Variants in CEACAM6 observed in about 807,000 individuals in gnomAD.
CEACAM6 encodes cell adhesion molecule CEACAM6.
CEACAM6 carries 21 observed loss-of-function variants against 32.4 expected under a neutral mutation model. That is an observed-to-expected ratio of 0.65 (90% CI 0.46 to 0.93). The LOEUF (loss-of-function observed/expected upper bound fraction) is 0.93, where lower values mean the gene tolerates loss of function less well. Among genes scored for constraint, CEACAM6 ranks in the 40% least tolerant of loss-of-function variants. The probability of loss-of-function intolerance (pLI) is 0.00; values close to 1 mark genes in which losing one functional copy is unlikely to be tolerated. For synonymous variants in CEACAM6, 184 were observed against 174.4 expected (o/e 1.06, Z -0.43); for missense variants, 406 against 432.2 (o/e 0.94, Z 0.54).
rs1555821168 is a variant in CEACAM6 at position 41,756,791 on chromosome 19, A to G, written c.256A>G (p.Thr86Ala). Residue 86 changes from threonine to alanine, a missense_variant, in exon 2 of 6, where the codon ACT (threonine) becomes GCT (alanine). Physicochemically the swap from Thr to Ala is moderately conservative, Grantham distance 58 (BLOSUM62 0). Transcript: ENST00000199764. ...TCTAATTGTAGGATATGTAATAGGA[A>G]CTCAACAAGCTACCCCAGGGCCCGC... ...NSLIVGYVIG[T>A]QQATPGPAYS... The G allele has an allele frequency of 3.7e-6, 6 of 1,614,100 alleles. No homozygotes were observed. Among genetic ancestry groups the G allele is most frequent in the Non-Finnish European group, 5.1e-6 (6 of 1,180,004 alleles).
intron 1 of CEACAM6, among the ~76,000 whole-genome samples, chr19:41,756,047 T>C (rs927692739): frequency 6.6e-5 from 10 of 151,932 alleles, no homozygotes; most frequent in African/African-American, 2.4e-4. Flanking sequence ...CAATCAGAAG[T>C]TGAAAAATAA....
Position 41,766,192 on chromosome 19 carries a change from C to G in CEACAM6, c.968C>G (p.Pro323Arg). ...VTMITVSGSA[P>R]VLSAVATVGI... ...CTCTTCTTCCCACAAGGAAGTGCTC[C>G]TGTCCTCTCAGCTGTGGCCACCGTC... Residue 323 changes from proline to arginine, a missense_variant, in exon 5 of 6, where the codon CCT (proline) becomes CGT (arginine). Coordinates refer to ENST00000199764, the MANE Select transcript of CEACAM6 (RefSeq NM_002483.7). The G allele has an allele frequency of 6.2e-7, 1 of 1,607,022 alleles. No individual in the cohort carries two copies.
In CEACAM6 at chr19:41,757,034, T is replaced by C. The variant is rs113477324; in HGVS notation, c.424+75T>C. ...CACATACGGGATTGTCAGGCCTGGG[T>C]TGTGCCTGTGGCCCTCTCTGCATTA... On this transcript the variant is annotated intron_variant, in intron 2 of 5. Transcript: ENST00000199764. The C allele has an allele frequency of 3.2e-3, 5,012 of 1,542,530 alleles. 131 individuals carry two copies. The African/African-American group carries it at 0.056, about 17-fold the overall frequency.
In CEACAM6 at chr19:41,755,619, C is replaced by T; in HGVS notation, c.-20C>T. ...TCAAGCTCCTCTACAAAGAGGTGGACAGAGAAGACAGCAGAGACCATGGGA... is the reference window on the plus strand; with the variant it reads ...TCAAGCTCCTCTACAAAGAGGTGGATAGAGAAGACAGCAGAGACCATGGGA... On this transcript the variant is annotated 5_prime_UTR_variant, in exon 1 of 6. Transcript: ENST00000199764. 6.2e-7 allele frequency: 1 copy of T among 1,611,818 alleles called. No homozygotes were observed. The highest frequency in any genetic ancestry group is 8.5e-7 in the Non-Finnish European group (1 of 1,178,552).
chr19:41,756,510 G>C, intron 1 of CEACAM6, 90 bp from the exon 2 acceptor site: 2 of 1,530,316 alleles, frequency 1.3e-6, no homozygotes, highest in Non-Finnish European at 8.8e-7. Flanking sequence ...ACGTGGAGGG[G>C]TGAAGAGACC....
chr19:41,766,308 G>T lies in CEACAM6; in HGVS notation c.*40+9G>T, dbSNP rs373495455. 4 of 1,402,258 alleles carry T rather than the reference G, an allele frequency of 2.9e-6. No individual in the cohort carries two copies. Among genetic ancestry groups the T allele is most frequent in the Non-Finnish European group, 3.9e-6 (4 of 1,023,794 alleles). 86.9% of individuals were successfully genotyped at this position (1,402,258 alleles called of 1,614,324 possible). ...TTCAGGAAGACTGGCAGGTATGATC[G>T]CCTTTCCTCTTGCCATGTTTCCTGC... On this transcript the variant is annotated intron_variant, in intron 5 of 5. Transcript: ENST00000199764.
intron 5 of CEACAM6, among the ~76,000 whole-genome samples, chr19:41,770,255 CAAAAAAAAAAA>C (rs1158293587): frequency 3.0e-4 from 12 of 40,536 alleles, no homozygotes; most frequent in Non-Finnish European, 7.4e-4. Flanking sequence ...GCTAAAAATA[CAAAAAAAAAAA>C]AAAAAAAAAA....
intron 3 of CEACAM6, 107 bp downstream of exon 3, chr19:41,761,634 C>T: frequency 6.5e-7 from 1 of 1,548,456 alleles, no homozygotes; most frequent in Non-Finnish European, 8.8e-7. Flanking sequence ...GACCCTCACC[C>T]AGGCTGGCCA....
At chr19:41,755,830 C>A in intron 1 of CEACAM6, 128 bp downstream of exon 1, 1 of 636,574 alleles carries the variant, frequency 1.6e-6, no homozygotes, top group Non-Finnish European at 2.6e-6. Flanking sequence ...AACAGAACAC[C>A]AGAGAGGGAC....
At chr19:41,756,465 C>CACACAT in intron 1 of CEACAM6, 135 bp from the exon 2 acceptor site, 1 of 1,281,922 alleles carries the variant, frequency 7.8e-7, no homozygotes, top group Non-Finnish European at 1.0e-6. Context: ...CACACACACA[C>CACACAT]ACACACACAC....
intron 2 of CEACAM6, 118 bp from the exon 3 acceptor site, chr19:41,761,131 G>GGGGC (rs2072920230): frequency 6.4e-7 from 1 of 1,555,954 alleles, no homozygotes; most frequent in Admixed American, 1.8e-5. Context: ...ACACCTGCCA[G>GGGGC]GGGCTTTTAA....
rs114519484 is a variant in CEACAM6, at chr19:41,770,803, T to C, written c.*42T>C. On this transcript the variant is annotated splice_region_variant and 3_prime_UTR_variant, in exon 6 of 6. Coordinates refer to ENST00000199764, the MANE Select transcript of CEACAM6 (RefSeq NM_002483.7). ...TTTATTTTCATTATCCACCTATAGA[T>C]TGGACCAGACCCTGAATTCTTCTAG... 7.4e-3 allele frequency: 1,125 copies of C among 152,978 alleles called. 25 individuals are homozygous for C. The highest frequency in any genetic ancestry group is 0.026 in the African/African-American group (1,061 of 41,566). 9.5% of individuals were successfully genotyped at this position (152,978 alleles called of 1,614,324 possible). A position where few individuals can be genotyped will look rare whatever the true frequency, so the allele number is the denominator to read the frequency against.
At chr19:41,767,698 T>C (rs188208987) in intron 5 of CEACAM6, among the ~76,000 whole-genome samples, 11 of 152,298 alleles carry the variant, frequency 7.2e-5, no homozygotes, top group Non-Finnish European at 1.2e-4. Context: ...CCTGTTCTAA[T>C]AGGTAGGACT....
intron 2 of CEACAM6, chr19:41,758,197 T>A (rs1463687646): frequency 1.3e-5 from 2 of 152,312 alleles, no homozygotes; most frequent in African/African-American, 4.8e-5. Flanking sequence ...CGATCCACAG[T>A]CCCCTCACTG....
Position 41,761,969 on chromosome 19 carries a change from A to G in CEACAM6, c.704A>G (p.Tyr235Cys). ...RSDPVTLNVL[Y>C]GPDVPTISPS... ...TGTGGCTTTATTCTGTTTCCTCCAGATGGCCCAGATGTCCCCACCATTTCC... is the reference window on the plus strand; with the variant it reads ...TGTGGCTTTATTCTGTTTCCTCCAGGTGGCCCAGATGTCCCCACCATTTCC... Residue 235 changes from tyrosine to cysteine, a missense_variant and splice_region_variant, in exon 4 of 6, where the codon TAT (tyrosine) becomes TGT (cysteine). By Grantham distance (194) the Tyr-to-Cys change is radical. Coordinates refer to ENST00000199764, the MANE Select transcript of CEACAM6 (RefSeq NM_002483.7). 4 of 1,613,844 alleles carry G rather than the reference A, an allele frequency of 2.5e-6. No homozygotes were observed. Among genetic ancestry groups the G allele is most frequent in the Middle Eastern group, 1.6e-4 (1 of 6,062 alleles).
chr19:41,760,740 G>C (rs2072917362), intron 2 of CEACAM6, among the ~76,000 whole-genome samples: 2 of 152,212 alleles, frequency 1.3e-5, no homozygotes, highest in Non-Finnish European at 2.9e-5. Flanking sequence ...TCTGCTGAAA[G>C]GTCCAATCCC....
rs1360904910 is a variant in CEACAM6 at position 41,761,482 on chromosome 19, C to A, written c.658C>A (p.Pro220Thr). 6.2e-7 allele frequency: 1 copy of A among 1,614,030 alleles called. No individual in the cohort carries two copies. Among genetic ancestry groups the A allele is most frequent in the Non-Finnish European group, 8.5e-7 (1 of 1,180,034 alleles). The change falls in exon 3 of 6, where the codon CCA becomes ACA. Residue 220 changes from proline to threonine, a missense_variant. Physicochemically the swap from Pro to Thr is conservative, Grantham distance 38. Coordinates refer to ENST00000199764, the MANE Select transcript of CEACAM6 (RefSeq NM_002483.7). Reference protein sequence around the residue: ...AGSYECEIQNPASANRSDPVT... With the variant: ...AGSYECEIQNTASANRSDPVT... The stretch of plus-strand genomic sequence containing the variant: ...ATCCTATGAATGTGAAATACAGAAC[C>A]CAGCGAGTGCCAACCGCAGTGACCC...
Position 41,756,736 on chromosome 19 carries a change from G to T in CEACAM6, c.201G>T (p.Trp67Cys), listed in dbSNP as rs782456847. The part of the protein sequence containing the change: ...NLPQNRIGYS[W>C]YKGERVDGNS... ...CCCAGAATCGTATTGGTTACAGCTG[G>T]TACAAAGGCGAAAGAGTGGATGGCA... Residue 67 changes from tryptophan to cysteine, a missense_variant, in exon 2 of 6, where the codon TGG (tryptophan) becomes TGT (cysteine). Transcript: ENST00000199764. The T allele has an allele frequency of 4.3e-6, 7 of 1,614,034 alleles. No individual in the cohort carries two copies. The South Asian group carries it at 7.7e-5, about 18-fold the overall frequency.
intron 3 of CEACAM6, 109 bp downstream of exon 3, chr19:41,761,636 G>C (rs1475494102): frequency 6.5e-7 from 1 of 1,546,700 alleles, no homozygotes; most frequent in Non-Finnish European, 8.8e-7. Flanking sequence ...CCCTCACCCA[G>C]GCTGGCCATG....
Sources: gnomAD v4.1 joint callset for allele counts (sites outside exome capture counted in the v4.1 genomes callset) on GRCh38, gnomAD v4.1.1 for gene constraint, MANE v1.5 for transcripts, NCBI Gene and HGNC (gene_info 2026-07-23, HGNC 2026-07-21) for gene names.